Variants in BCAS1 observed in about 807,000 individuals in gnomAD.
The protein encoded by BCAS1 is brain enriched myelin associated protein 1.
Under a neutral mutation model 65.4 loss-of-function variants are expected in BCAS1, and 46 were observed. The ratio of observed to expected loss-of-function variants is 0.70; its 90% CI spans 0.55 to 0.90. BCAS1 has a LOEUF of 0.90. BCAS1 is among the 40% of genes least tolerant of loss of function. The probability of loss-of-function intolerance (pLI) is 0.00; values close to 1 mark genes in which losing one functional copy is unlikely to be tolerated. For missense variants in BCAS1, 793 were observed against 771.2 expected, an observed-to-expected ratio of 1.03 and a Z score of -0.33; for synonymous variants, 298 against 293.5, an observed-to-expected ratio of 1.02 and a Z score of -0.16.
At chr20:54,065,157 TATCTATC>T (rs201355034) in intron 1 of BCAS1, among the ~76,000 whole-genome samples, 4,464 of 138,258 alleles carry the variant, frequency 0.032, 96 homozygotes, top group East Asian at 0.048. Flanking sequence ...TCTATCTATC[TATCTATC>T]ATCTACTTTA....
At chr20:54,049,042 A>AT (rs1227619739) in intron 3 of BCAS1, among the ~76,000 whole-genome samples, 1 of 152,122 alleles carries the variant, frequency 6.6e-6, no homozygotes, top group African/African-American at 2.4e-5. Context: ...TGTTGCCTAT[A>AT]TTTTTTACTA....
At chr20:54,043,000 T>C (rs2092028193) in intron 3 of BCAS1, among the ~76,000 whole-genome samples, 1 of 152,198 alleles carries the variant, frequency 6.6e-6, no homozygotes, top group African/African-American at 2.4e-5. Context: ...GCTTGGCAAA[T>C]TCAGAAAATC....
intron 3 of BCAS1, among the ~76,000 whole-genome samples, chr20:54,055,155 T>C (rs868726455): frequency 1.3e-4 from 20 of 152,210 alleles, no homozygotes; most frequent in Middle Eastern, 3.4e-3. Flanking sequence ...AAGAAGATAA[T>C]TGAAAACAAA....
intron 1 of BCAS1, among the ~76,000 whole-genome samples, chr20:54,062,831 C>T (rs142923164): frequency 6.6e-6 from 1 of 152,352 alleles, no homozygotes; most frequent in East Asian, 1.9e-4. Context: ...TTGTCACTCT[C>T]CACCAGCAGA....
chr20:53,953,736 G>A, intron 11 of BCAS1, 41 bp from the exon 12 acceptor site: 1 of 1,587,452 alleles, frequency 6.3e-7, no homozygotes, highest in Non-Finnish European at 8.6e-7. Flanking sequence ...AGTGGCTGCA[G>A]GACAACTCTC....
At chr20:54,018,461 C>T (rs1171290528) in intron 4 of BCAS1, among the ~76,000 whole-genome samples, 6 of 151,458 alleles carry the variant, frequency 4.0e-5, no homozygotes, top group South Asian at 2.1e-4. Flanking sequence ...CTCAGCCTCC[C>T]GAGTGGCTGG....
intron 9 of BCAS1, among the ~76,000 whole-genome samples, chr20:53,967,802 T>C (rs1191096058): frequency 1.3e-5 from 2 of 152,238 alleles, no homozygotes; most frequent in Non-Finnish European, 2.9e-5. Context: ...TCTCAACTTG[T>C]GTTCTTTTGC....
intron 3 of BCAS1, among the ~76,000 whole-genome samples, chr20:54,030,069 A>T (rs1419351771): frequency 6.6e-6 from 1 of 152,168 alleles, no homozygotes; most frequent in Non-Finnish European, 1.5e-5. Context: ...ACAGGCTCCA[A>T]CCCCTCCAGG....
intron 10 of BCAS1, among the ~76,000 whole-genome samples, chr20:53,964,452 G>T (rs4809948): frequency 0.061 from 9,275 of 152,248 alleles, 339 homozygotes; most frequent in Middle Eastern, 0.14. Flanking sequence ...CAACAATCAG[G>T]ATTTAAATTT....
At chr20:53,958,511 G>C (rs1190700133) in intron 10 of BCAS1, among the ~76,000 whole-genome samples, 1 of 152,176 alleles carries the variant, frequency 6.6e-6, no homozygotes, top group African/African-American at 2.4e-5. Context: ...TGTTCTCTTA[G>C]CAGACCGTAA....
In BCAS1 at chr20:53,967,067, A is replaced by C. The variant is rs368202526; in HGVS notation, c.1324T>G (p.Cys442Gly). Residue 442 changes from cysteine (C) to glycine (G), a missense_variant, in exon 10 of 13, where the codon TGT becomes GGT. Physicochemically the swap from Cys to Gly is radical, Grantham distance 159. Coordinates refer to ENST00000688948, the MANE Select transcript of BCAS1 (RefSeq NM_001366298.2). ...TTTATAATCTCTACTGGTGACTCAC[A>C]CACCACCTGGATTATTTTGCCAGGT... ...VPTGAEENVV[C>G]ESPVEIIKSK... is the part of the protein sequence containing the mutation. 16 of 1,604,670 alleles carry C rather than the reference A, an allele frequency of 1.0e-5. No homozygotes were observed. The highest frequency in any genetic ancestry group is 9.0e-5 in the East Asian group (4 of 44,636).
intron 3 of BCAS1, among the ~76,000 whole-genome samples, chr20:54,045,905 A>G (rs967035731): frequency 6.6e-6 from 1 of 152,236 alleles, no homozygotes; most frequent in African/African-American, 2.4e-5. Flanking sequence ...TGTCTTTTAC[A>G]AAGTATAGAA....
At chr20:53,992,761 A>G (rs1430161521) in intron 6 of BCAS1, 115 bp from the exon 7 acceptor site, 4 of 1,023,922 alleles carry the variant, frequency 3.9e-6, no homozygotes, top group East Asian at 5.9e-5. Context: ...TTGGTACACC[A>G]TCCCCTCTTC....
At chr20:53,997,432 A>T (rs544008261) in intron 4 of BCAS1, among the ~76,000 whole-genome samples, 3 of 152,220 alleles carry the variant, frequency 2.0e-5, no homozygotes, top group Middle Eastern at 3.2e-3. Context: ...CTCAGGTGAC[A>T]TTTATTCCAT....
intron 4 of BCAS1, among the ~76,000 whole-genome samples, chr20:54,002,197 C>T (rs6127053): frequency 0.17 from 25,247 of 152,026 alleles, 2,343 homozygotes; most frequent in East Asian, 0.27. Context: ...TGAACTCTGG[C>T]CACCTTGGGC....
chr20:54,001,025 G>A (rs2091043273), intron 4 of BCAS1, among the ~76,000 whole-genome samples: 1 of 152,106 alleles, frequency 6.6e-6, no homozygotes, highest in South Asian at 2.1e-4. Flanking sequence ...TTGTTTGCAT[G>A]TCAGACATTG....
chr20:54,030,074 T>C (rs1476412278), intron 3 of BCAS1, among the ~76,000 whole-genome samples: 1 of 152,196 alleles, frequency 6.6e-6, no homozygotes, highest in East Asian at 1.9e-4. Flanking sequence ...CTCCAACCCC[T>C]CCAGGCAAGG....
chr20:53,958,280 G>A (rs2089765246), intron 10 of BCAS1, among the ~76,000 whole-genome samples: 1 of 152,190 alleles, frequency 6.6e-6, no homozygotes, highest in Admixed American at 6.5e-5. Flanking sequence ...TTTTAACGGT[G>A]CATTTAGTAA....
intron 3 of BCAS1, chr20:54,029,270 C>T (rs2091749820): frequency 1.0e-6 from 1 of 976,436 alleles, no homozygotes; most frequent in African/African-American, 1.7e-5. Flanking sequence ...TGTGTAAGAA[C>T]TCCGTGAGCA....
Sources: allele counts gnomAD v4.1 joint callset (sites outside exome capture counted in the v4.1 genomes callset), GRCh38; gene constraint gnomAD v4.1.1; transcripts MANE v1.5; gene names NCBI Gene and HGNC (gene_info 2026-07-23, HGNC 2026-07-21).